JPH3: variants seen among roughly 807,000 people sequenced by gnomAD.
The protein encoded by JPH3 is junctophilin-3.
Under a neutral mutation model 59.6 loss-of-function variants are expected in JPH3, and 11 were observed. The observed-to-expected ratio is 0.18, with a 90% CI of 0.12 to 0.31. JPH3 has a LOEUF of 0.31. Ranked by LOEUF, JPH3 falls within the 10% of genes least tolerant of loss-of-function variation. The pLI, the probability that JPH3 is intolerant of heterozygous loss-of-function variation, is 1.00. For missense variants in JPH3, 1,202 were observed against 1,105.7 expected (o/e 1.09, Z -1.24); for synonymous variants, 673 against 483.6 (o/e 1.39, Z -5.14).
chr16:87,635,054 A>T (rs1190423511), intron 1 of JPH3, among the ~76,000 whole-genome samples: 3 of 152,216 alleles, frequency 2.0e-5, no homozygotes, highest in African/African-American at 7.2e-5. Flanking sequence ...ACTCTGGGAC[A>T]GTAGTGGGAG....
chr16:87,649,029 G>C (rs894480109), intron 2 of JPH3, among the ~76,000 whole-genome samples: 1 of 152,202 alleles, frequency 6.6e-6, no homozygotes, highest in Non-Finnish European at 1.5e-5. Flanking sequence ...ACACGGGTCG[G>C]AGGCAGAGTC....
chr16:87,688,315 C>G (rs1029475310), intron 3 of JPH3, among the ~76,000 whole-genome samples: 3 of 152,232 alleles, frequency 2.0e-5, no homozygotes, highest in African/African-American at 7.2e-5. Flanking sequence ...AGCACTGCCT[C>G]TTAGACCAGC....
chr16:87,641,064 G>A (rs1413891962), intron 1 of JPH3, among the ~76,000 whole-genome samples: 1 of 152,208 alleles, frequency 6.6e-6, no homozygotes, highest in Non-Finnish European at 1.5e-5. Context: ...TCGCATTGGG[G>A]TGCCGGGTGG....
chr16:87,682,474 T>C (rs553893585), intron 2 of JPH3, among the ~76,000 whole-genome samples: 2 of 152,122 alleles, frequency 1.3e-5, no homozygotes, highest in African/African-American at 4.8e-5. Flanking sequence ...CTGAGCCTCA[T>C]AGTGGGGATT....
chr16:87,616,817 G>A (rs1366759445), intron 1 of JPH3, among the ~76,000 whole-genome samples: 1 of 152,236 alleles, frequency 6.6e-6, no homozygotes, highest in Non-Finnish European at 1.5e-5. Context: ...CATTCCTTCA[G>A]TTTCGTCGTT....
At chr16:87,652,167 G>C (rs2150851436) in intron 2 of JPH3, among the ~76,000 whole-genome samples, 1 of 152,216 alleles carries the variant, frequency 6.6e-6, no homozygotes, top group Middle Eastern at 3.4e-3. Context: ...AGTAGAGATG[G>C]GGTTTCACCG....
chr16:87,671,737 C>T (rs117641434), intron 2 of JPH3, among the ~76,000 whole-genome samples: 2 of 152,308 alleles, frequency 1.3e-5, no homozygotes, highest in Non-Finnish European at 2.9e-5. Context: ...GCCCAAGATT[C>T]CTGGAGCTGG....
Position 87,603,001 on chromosome 16 carries a change from C to T in JPH3, c.-146C>T. 1.1e-6 allele frequency: 1 copy of T among 945,190 alleles called. No individual in the cohort carries two copies. The allele number at this position is 945,190 out of a possible 1,614,324, so 58.6% of individuals were successfully genotyped here. A position where few individuals can be genotyped will look rare whatever the true frequency, so the allele number is the denominator to read the frequency against. ...CTCCGGAGCCGGCGCCGCGGCCGCC[C>T]GCGCCCGAGACCGCGCTCCGGGGCC... On this transcript the variant is annotated 5_prime_UTR_variant, in exon 1 of 5. Coordinates refer to ENST00000284262, the MANE Select transcript of JPH3 (RefSeq NM_020655.4).
intron 1 of JPH3, among the ~76,000 whole-genome samples, chr16:87,637,422 TTGTGTGTGTG>T (rs35239550): frequency 2.7e-5 from 4 of 147,502 alleles, no homozygotes; most frequent in African/African-American, 7.5e-5. Flanking sequence ...GTGTGTGTGT[TTGTGTGTGTG>T]TGTGTGTGTG....
intron 1 of JPH3, among the ~76,000 whole-genome samples, chr16:87,622,157 A>G (rs748389651): frequency 1.3e-5 from 2 of 152,102 alleles, no homozygotes; most frequent in Non-Finnish European, 2.9e-5. Flanking sequence ...ATGCCACCCC[A>G]CAAGCTACCT....
intron 2 of JPH3, among the ~76,000 whole-genome samples, chr16:87,676,665 C>T (rs1275309564): frequency 4.0e-5 from 6 of 151,422 alleles, no homozygotes; most frequent in African/African-American, 9.7e-5. Context: ...ACCTGGGAGG[C>T]GGAGCTCGCA....
Position 87,696,951 on chromosome 16 carries a change from C to G in JPH3, c.*291C>G, listed in dbSNP as rs894451536. 2.4e-6 allele frequency: 1 copy of G among 417,960 alleles called. No homozygotes were observed. Among genetic ancestry groups the G allele is most frequent in the African/African-American group, 2.0e-5 (1 of 49,332 alleles). 25.9% of individuals were successfully genotyped at this position (417,960 alleles called of 1,614,324 possible). ...CTCCACGTGGAGACAGAAGGGATCC[C>G]GGCACATCAGTGGTAACAGCGGACG... is the stretch of plus-strand genomic sequence containing the variant. On this transcript the variant is annotated 3_prime_UTR_variant, in exon 5 of 5. Coordinates refer to ENST00000284262, the MANE Select transcript of JPH3 (RefSeq NM_020655.4).
At chr16:87,607,183 A>AC (rs2030552947) in intron 1 of JPH3, among the ~76,000 whole-genome samples, 1 of 152,174 alleles carries the variant, frequency 6.6e-6, no homozygotes, top group Non-Finnish European at 1.5e-5. Context: ...ACTGCCCAGG[A>AC]CCCCTGGCCC....
Position 87,618,543 on chromosome 16 carries a change from C to G in JPH3, c.382+15015C>G, listed in dbSNP as rs144582909. Among the ~76,000 whole-genome samples, 177 of 152,354 alleles carry G rather than the reference C, an allele frequency of 1.2e-3. 2 individuals are homozygous for G. The highest frequency in any genetic ancestry group is 4.1e-3 in the African/African-American group (172 of 41,576). ...GTGGAGCTCAGGCCTGGGAGACAGA[C>G]TGACAGTGTTCGGCACTAACTCCAC... On this transcript the variant is annotated intron_variant, in intron 1 of 4. Transcript: ENST00000284262.
At chr16:87,605,449 C>T (rs2030483936) in intron 1 of JPH3, among the ~76,000 whole-genome samples, 1 of 152,196 alleles carries the variant, frequency 6.6e-6, no homozygotes, top group Admixed American at 6.5e-5. Context: ...CCACACTGAG[C>T]AAAGCAGACA....
At chr16:87,677,253 G>A (rs1356878803) in intron 2 of JPH3, among the ~76,000 whole-genome samples, 2 of 141,622 alleles carry the variant, frequency 1.4e-5, no homozygotes, top group African/African-American at 5.3e-5. Flanking sequence ...GGGTGTGGTG[G>A]GCGCCTGTAA....
chr16:87,648,247 A>C (rs1054574835), intron 2 of JPH3, among the ~76,000 whole-genome samples: 4 of 152,098 alleles, frequency 2.6e-5, no homozygotes. Context: ...TGGGGAAAAA[A>C]AAAAGGAAAA....
At chr16:87,604,582 C>T (rs1259530547) in intron 1 of JPH3, 3 of 1,231,752 alleles carry the variant, frequency 2.4e-6, no homozygotes, top group Non-Finnish European at 3.1e-6. Context: ...GGGAGTGAGA[C>T]GCAGCAATGA....
At chr16:87,602,346 CG>C (rs1399435363), upstream of JPH3, among the ~76,000 whole-genome samples, 2 of 135,324 alleles carry the variant, frequency 1.5e-5, no homozygotes, top group African/African-American at 5.5e-5. Context: ...GCGGGGCGCC[CG>C]GGGTCCCCGC....
Sources: gnomAD v4.1 joint callset for allele counts (sites outside exome capture counted in the v4.1 genomes callset) on GRCh38, gnomAD v4.1.1 for gene constraint, MANE v1.5 for transcripts, NCBI Gene and HGNC (gene_info 2026-07-23, HGNC 2026-07-21) for gene names.